THSD4: variants seen among roughly 807,000 people sequenced by gnomAD.
THSD4 encodes the protein thrombospondin type-1 domain-containing protein 4.
THSD4 carries 69 observed loss-of-function variants against 119.0 expected under a neutral mutation model. The ratio of observed to expected loss-of-function variants is 0.58; its 90% CI spans 0.48 to 0.71. The LOEUF (loss-of-function observed/expected upper bound fraction) is 0.71, where lower values mean the gene tolerates loss of function less well. THSD4 is among the 30% of genes least tolerant of loss of function. The probability of loss-of-function intolerance (pLI) is 0.00; values close to 1 mark genes in which losing one functional copy is unlikely to be tolerated. For synonymous variants in THSD4, 524 were observed against 540.4 expected, an observed-to-expected ratio of 0.97 and a Z score of 0.42; for missense variants, 1,393 against 1,391.1, an observed-to-expected ratio of 1.00 and a Z score of -0.02.
intron 10 of THSD4, among the ~76,000 whole-genome samples, chr15:71,735,201 T>C (rs2141143229): frequency 6.6e-6 from 1 of 152,216 alleles, no homozygotes; most frequent in South Asian, 2.1e-4. Flanking sequence ...TCCACACTAA[T>C]TCCGCTGAGG....
At chr15:71,426,394 TGTG>T (rs545901327) in intron 7 of THSD4, among the ~76,000 whole-genome samples, 26,132 of 138,608 alleles carry the variant, frequency 0.19, 2,650 homozygotes, top group Non-Finnish European at 0.26. Flanking sequence ...TGTGTGTGTG[TGTG>T]TGTGTGTGTT....
chr15:71,141,659 C>A, intron 2 of THSD4, 103 bp downstream of exon 2: 3 of 1,306,550 alleles, frequency 2.3e-6, no homozygotes, highest in Non-Finnish European at 2.1e-6. Context: ...GGGTCTGCAG[C>A]TGACTGATAT....
At chr15:71,229,264 G>A (rs1328952972) in intron 4 of THSD4, among the ~76,000 whole-genome samples, 2 of 152,144 alleles carry the variant, frequency 1.3e-5, no homozygotes, top group African/African-American at 4.8e-5. Flanking sequence ...GGTTAAATGG[G>A]ATTACACACA....
At chr15:71,731,622 A>C (rs2052982212) in intron 10 of THSD4, 1 of 187,794 alleles carries the variant, frequency 5.3e-6, no homozygotes, top group East Asian at 1.2e-4. Flanking sequence ...TCTACAAAAA[A>C]AATTACAGAA....
At chr15:71,543,746 G>A (rs1247913527) in intron 7 of THSD4, among the ~76,000 whole-genome samples, 1 of 152,202 alleles carries the variant, frequency 6.6e-6, no homozygotes, top group African/African-American at 2.4e-5. Context: ...CACAGATGTG[G>A]GCCGGGTGTG....
chr15:71,504,968 G>A (rs142365553), intron 7 of THSD4, among the ~76,000 whole-genome samples: 1 of 152,318 alleles, frequency 6.6e-6, no homozygotes, highest in Non-Finnish European at 1.5e-5. Context: ...GTGTGTTGTA[G>A]AGTGTCCCTC....
intron 7 of THSD4, among the ~76,000 whole-genome samples, chr15:71,438,850 C>A (rs1039973109): frequency 1.3e-5 from 2 of 152,210 alleles, no homozygotes; most frequent in Non-Finnish European, 2.9e-5. Flanking sequence ...CTTTGTTCAT[C>A]ACTTGGAAAA....
chr15:71,624,180 A>G (rs967616665), intron 7 of THSD4, among the ~76,000 whole-genome samples: 3 of 152,168 alleles, frequency 2.0e-5, no homozygotes, highest in Non-Finnish European at 4.4e-5. Flanking sequence ...AGTTGTCCCA[A>G]TAGAAGCAAT....
At chr15:71,231,166 A>G (rs1397975225) in intron 4 of THSD4, among the ~76,000 whole-genome samples, 1 of 152,226 alleles carries the variant, frequency 6.6e-6, no homozygotes, top group Non-Finnish European at 1.5e-5. Flanking sequence ...TTCTTAGGGA[A>G]ACTTGGCTGA....
chr15:71,546,805 G>A (rs1048787098), intron 7 of THSD4, among the ~76,000 whole-genome samples: 1 of 152,164 alleles, frequency 6.6e-6, no homozygotes, highest in Non-Finnish European at 1.5e-5. Context: ...CTAGATTTCT[G>A]CAACCATCAA....
At chr15:71,285,916 A>G (rs905437627) in intron 6 of THSD4, among the ~76,000 whole-genome samples, 2 of 143,062 alleles carry the variant, frequency 1.4e-5, no homozygotes, top group African/African-American at 5.0e-5. Flanking sequence ...AAATGTGCGT[A>G]GTTTCTTTAT....
At chr15:71,732,704 G>A (rs2053004736) in intron 10 of THSD4, 1 of 152,172 alleles carries the variant, frequency 6.6e-6, no homozygotes, top group African/African-American at 2.4e-5. Context: ...CTTAGGAAGA[G>A]TAAGTTAATA....
chr15:71,499,500 T>TTA (rs2048078587), intron 7 of THSD4, among the ~76,000 whole-genome samples: 1 of 144,314 alleles, frequency 6.9e-6, no homozygotes, highest in African/African-American at 2.5e-5. Context: ...TTTATTATGG[T>TTA]AAAAAAAAAA....
At chr15:71,452,774 C>A (rs2047283898) in intron 7 of THSD4, among the ~76,000 whole-genome samples, 1 of 152,044 alleles carries the variant, frequency 6.6e-6, no homozygotes, top group African/African-American at 2.4e-5. Flanking sequence ...GCCACCACAC[C>A]CAGCTGATTT....
chr15:71,187,084 G>A (rs2043614848), intron 3 of THSD4: 1 of 152,422 alleles, frequency 6.6e-6, no homozygotes, highest in Non-Finnish European at 1.5e-5. Context: ...CGGGTCGAAT[G>A]TGCAGCAGGA....
intron 5 of THSD4, among the ~76,000 whole-genome samples, chr15:71,246,443 C>T (rs1567168306): frequency 6.6e-6 from 1 of 152,140 alleles, no homozygotes; most frequent in Admixed American, 6.5e-5. Flanking sequence ...TTTACCTTTA[C>T]GCAGTGACAA....
At chr15:71,342,237 A>G (rs1462644502) in intron 6 of THSD4, 1 of 179,388 alleles carries the variant, frequency 5.6e-6, no homozygotes, top group Admixed American at 5.4e-5. Context: ...GAGGTTTTAA[A>G]ATACGCTTTG....
chr15:71,523,787 A>G (rs1383858857), intron 7 of THSD4, among the ~76,000 whole-genome samples: 1 of 152,250 alleles, frequency 6.6e-6, no homozygotes, highest in Non-Finnish European at 1.5e-5. Context: ...AGTAAGAGAA[A>G]GAGAAAATCC....
chr15:71,163,875 G>A (rs949540426), intron 3 of THSD4, among the ~76,000 whole-genome samples: 75 of 149,214 alleles, frequency 5.0e-4, no homozygotes, highest in Non-Finnish European at 9.8e-4. Context: ...TACATTCTCA[G>A]GTCTTCTTTA....
Sources: allele counts gnomAD v4.1 joint callset (sites outside exome capture counted in the v4.1 genomes callset), GRCh38; gene constraint gnomAD v4.1.1; transcripts MANE v1.5; gene names NCBI Gene and HGNC (gene_info 2026-07-23, HGNC 2026-07-21).